UNC45B: variants seen among roughly 807,000 people sequenced by gnomAD.
UNC45B encodes the protein unc-45 myosin chaperone B, also known as protein unc-45 homolog B.
Under a neutral mutation model 98.7 loss-of-function variants are expected in UNC45B, and 78 were observed. That is an observed-to-expected ratio of 0.79 (90% CI 0.66 to 0.95). The LOEUF is 0.95. Among genes scored for constraint, UNC45B ranks in the 40% least tolerant of loss-of-function variants. UNC45B has a pLI of 0.00. For missense variants in UNC45B, 1,225 were observed against 1,184.9 expected (o/e 1.03, Z -0.50); for synonymous variants, 462 against 480.4 (o/e 0.96, Z 0.50).
intron 13 of UNC45B, among the ~76,000 whole-genome samples, chr17:35,173,230 A>G (rs1193288956): frequency 2.0e-5 from 3 of 151,168 alleles, no homozygotes; most frequent in African/African-American, 7.3e-5. Flanking sequence ...GGCTCAAGCA[A>G]TTCTCCTGCT....
intron 18 of UNC45B, among the ~76,000 whole-genome samples, chr17:35,181,629 A>G (rs1292258827): frequency 1.3e-5 from 2 of 152,082 alleles, no homozygotes; most frequent in African/African-American, 4.8e-5. Context: ...TGTCTCTACT[A>G]AAAGTACAAA....
chr17:35,180,728 C>A, intron 18 of UNC45B, 52 bp downstream of exon 18: 1 of 1,456,240 alleles, frequency 6.9e-7, no homozygotes, highest in Non-Finnish European at 9.6e-7. Context: ...GCACGAGAGG[C>A]AGGCCAGGGT....
chr17:35,168,239 G>A lies in UNC45B; in HGVS notation c.1330G>A (p.Ala444Thr), dbSNP rs1303312853. ...RETDQLVAVE[A>T]LIHASTKLSR... ...GACGGACCAGCTGGTGGCCGTGGAG[G>A]CCCTCATCCATGCCTCCACGAAGCT... Residue 444 changes from alanine to threonine, a missense_variant, in exon 10 of 20, where the codon GCC becomes ACC. Ala to Thr is a moderately conservative substitution (Grantham distance 58). Coordinates refer to ENST00000394570, the MANE Select transcript of UNC45B (RefSeq NM_001267052.2). The A allele has an allele frequency of 6.3e-7, 1 of 1,585,116 alleles. No homozygotes were observed. The highest frequency in any genetic ancestry group is 1.1e-5 in the South Asian group (1 of 87,106).
chr17:35,183,074 T>TA (rs1171532148), intron 18 of UNC45B, among the ~76,000 whole-genome samples: 1 of 151,560 alleles, frequency 6.6e-6, no homozygotes, highest in East Asian at 1.9e-4. Flanking sequence ...GCCCATCCAT[T>TA]ATGGGAGAAA....
intron 14 of UNC45B, among the ~76,000 whole-genome samples, chr17:35,174,929 GAAAGAAAGAA>G (rs1217477478): frequency 8.9e-6 from 1 of 112,682 alleles, no homozygotes; most frequent in African/African-American, 3.8e-5. Flanking sequence ...GGAGGAAGGA[GAAAGAAAGAA>G]AAAGAAAGAA....
intron 9 of UNC45B, 139 bp from the exon 10 acceptor site, chr17:35,167,922 G>C: frequency 1.5e-6 from 1 of 674,862 alleles, no homozygotes; most frequent in Non-Finnish European, 2.2e-6. Context: ...GCTCAGAGAG[G>C]TTCGCTGAAT....
At chr17:35,155,241 G>A in intron 6 of UNC45B, 55 bp from the exon 7 acceptor site, 1 of 1,594,672 alleles carries the variant, frequency 6.3e-7, no homozygotes, top group Non-Finnish European at 8.6e-7. Flanking sequence ...TAACCTGCAT[G>A]GCAGCTAGAA....
chr17:35,186,239 C>T, intron 19 of UNC45B, 60 bp from the exon 20 acceptor site: 6 of 1,588,342 alleles, frequency 3.8e-6, no homozygotes, highest in Non-Finnish European at 5.1e-6. Flanking sequence ...ATTTCCAACA[C>T]ATGAACTCTG....
At chr17:35,184,249 C>T (rs528931393) in intron 19 of UNC45B, among the ~76,000 whole-genome samples, 24 of 152,266 alleles carry the variant, frequency 1.6e-4, no homozygotes, top group Non-Finnish European at 2.2e-4. Context: ...AGGGGGGTTA[C>T]GTTGTCCTGG....
chr17:35,169,954 G>A (rs766994250), intron 11 of UNC45B, 23 bp downstream of exon 11: 1 of 1,613,758 alleles, frequency 6.2e-7, no homozygotes, highest in Non-Finnish European at 8.5e-7. Context: ...TGTTTCCCAG[G>A]CCCTCCATCT....
chr17:35,188,398 A>G lies in UNC45B; in HGVS notation c.*1839A>G, dbSNP rs2092315746. ...CCACACTCTTACTCGTTTTGATCTC[A>G]TGAGGTTACATCTGCCAGTGGCGTT... On this transcript the variant is annotated 3_prime_UTR_variant, in exon 20 of 20. Coordinates refer to ENST00000394570, the MANE Select transcript of UNC45B (RefSeq NM_001267052.2). The G allele has an allele frequency of 6.6e-6, 1 of 151,730 alleles. No homozygotes were observed. The highest frequency in any genetic ancestry group is 2.1e-4 in the South Asian group (1 of 4,816). The allele number at this position is 151,730 out of a possible 1,614,324, so 9.4% of individuals were successfully genotyped here.
At position 35,174,413 on chromosome 17, in the gene UNC45B, C is replaced by T. The variant is rs1384220; in HGVS notation, c.1958+44C>T. Reference sequence around the variant, plus strand: ...AAGGCTTGGAACTAGGGCTGGGGGCCGAGGGTCCTGGAGTGCAGCACACTG... The same window carrying T: ...AAGGCTTGGAACTAGGGCTGGGGGCTGAGGGTCCTGGAGTGCAGCACACTG... On this transcript the variant is annotated intron_variant, in intron 14 of 19. Coordinates refer to ENST00000394570, the MANE Select transcript of UNC45B (RefSeq NM_001267052.2). 887,690 of 1,610,842 alleles carry T rather than the reference C, an allele frequency of 0.55. 245,600 individuals are homozygous for T. The highest frequency in any genetic ancestry group is 0.7 in the East Asian group (31,323 of 44,786).
rs1597930133 is a variant in UNC45B, at chr17:35,176,544, G to A, written c.2026-473G>A. On this transcript the variant is annotated intron_variant, in intron 15 of 19. Coordinates refer to ENST00000394570, the MANE Select transcript of UNC45B (RefSeq NM_001267052.2). Reference sequence around the variant, plus strand: ...AAAATACAAAAATTAGCTGGGCCTGGTGGCGTGCACCTGTAATCTCAGCTA... The same window carrying A: ...AAAATACAAAAATTAGCTGGGCCTGATGGCGTGCACCTGTAATCTCAGCTA... 2.6e-5 allele frequency among the ~76,000 whole-genome samples: 4 copies of A among 152,236 alleles called. No individual in the cohort carries two copies. The South Asian group carries it at 8.3e-4, about 32-fold the overall frequency.
chr17:35,155,411 T>C lies in UNC45B; in HGVS notation c.755T>C (p.Leu252Ser), dbSNP rs756689727. 3.5e-5 allele frequency: 56 copies of C among 1,614,040 alleles called. No homozygotes were observed. The highest frequency in any genetic ancestry group is 4.5e-5 in the Non-Finnish European group (53 of 1,180,026). ...CTGCTCCAAGCCATCATTGACTCCT[T>C]GTCTGGGGAGGACAAGCGGGAGCAT... ...CNLLQAIIDS[L>S]SGEDKREHRG... The change falls in exon 7 of 20, where the codon TTG becomes TCG. Residue 252 changes from leucine (L) to serine (S), a missense_variant. Transcript: ENST00000394570.
Position 35,176,002 on chromosome 17 carries a change from C to G in UNC45B, c.1993C>G (p.Arg665Gly). 2 of 1,614,088 alleles carry G rather than the reference C, an allele frequency of 1.2e-6. No individual in the cohort carries two copies. Among genetic ancestry groups the G allele is most frequent in the South Asian group, 2.2e-5 (2 of 91,074 alleles). ...FLALCDNPKDRGTIVAQGGGK... is the reference protein window; with the variant it reads ...FLALCDNPKDGGTIVAQGGGK... Reference sequence around the variant, plus strand: ...GGCACTGTGTGACAACCCAAAGGACCGAGGCACCATTGTGGCTCAAGGTGG... The same window carrying G: ...GGCACTGTGTGACAACCCAAAGGACGGAGGCACCATTGTGGCTCAAGGTGG... The change falls in exon 15 of 20, where the codon CGA becomes GGA. Residue 665 changes from arginine (R) to glycine (G), a missense_variant. Arg to Gly is a moderately radical substitution (Grantham distance 125). Transcript: ENST00000394570.
At chr17:35,150,249 C>T (rs1339865476) in intron 4 of UNC45B, 26 bp downstream of exon 4, 3 of 1,589,726 alleles carry the variant, frequency 1.9e-6, no homozygotes, top group African/African-American at 2.7e-5. Context: ...TCCCACAACC[C>T]TTGGCTGCCC....
chr17:35,182,912 GA>G (rs2092282479), intron 18 of UNC45B, among the ~76,000 whole-genome samples: 1 of 151,934 alleles, frequency 6.6e-6, no homozygotes, highest in Admixed American at 6.6e-5. Flanking sequence ...TGGTCCCCTG[GA>G]AGCTCTTCTC....
intron 6 of UNC45B, 141 bp downstream of exon 6, chr17:35,154,882 C>A: frequency 9.9e-7 from 1 of 1,007,826 alleles, no homozygotes; most frequent in Admixed American, 3.5e-5. Context: ...TTTTCCCTTT[C>A]AGTTGGAAAT....
At chr17:35,162,547 C>T (rs2092109182) in intron 8 of UNC45B, among the ~76,000 whole-genome samples, 1 of 152,060 alleles carries the variant, frequency 6.6e-6, no homozygotes, top group Non-Finnish European at 1.5e-5. Context: ...CTCGGCCTAA[C>T]CAAAGTGCTG....
Sources: gnomAD v4.1 joint callset for allele counts (sites outside exome capture counted in the v4.1 genomes callset) on GRCh38, gnomAD v4.1.1 for gene constraint, MANE v1.5 for transcripts, NCBI Gene and HGNC (gene_info 2026-07-23, HGNC 2026-07-21) for gene names.